The following NRDC variants were observed in gnomAD, a reference collection of about 807,000 sequenced individuals.
NRDC encodes nardilysin convertase.
A neutral mutation model predicts 147.1 loss-of-function variants in NRDC; 54 were observed. That is an observed-to-expected ratio of 0.37 (90% confidence interval 0.29 to 0.46). The LOEUF is 0.46. NRDC is among the 20% of genes least tolerant of loss of function. The pLI is 1.00. For missense variants in NRDC, 1,082 were observed against 1,370.6 expected (o/e 0.79, Z 3.33); for synonymous variants, 440 against 482.1 (o/e 0.91, Z 1.14).
At chr1:51,836,359 T>A in intron 2 of NRDC, 147 bp from the exon 3 acceptor site, 2 of 1,613,056 alleles carry the variant, frequency 1.2e-6, no homozygotes, top group Non-Finnish European at 1.7e-6. Context: ...AGCAGCAAAG[T>A]GAAACTCACC....
chr1:51,823,931 GTATTAA>G (rs1461206334), intron 6 of NRDC, 145 bp from the exon 7 acceptor site: 16 of 494,726 alleles, frequency 3.2e-5, no homozygotes, highest in Middle Eastern at 1.0e-3. Context: ...GTGCAATAAT[GTATTAA>G]TATTAATAAG....
intron 1 of NRDC, among the ~76,000 whole-genome samples, chr1:51,859,382 T>C (rs754759098): frequency 1.3e-5 from 2 of 152,246 alleles, no homozygotes; most frequent in Non-Finnish European, 2.9e-5. Context: ...TGCTTGTTTT[T>C]GGTTTTGAGC....
intron 1 of NRDC, among the ~76,000 whole-genome samples, chr1:51,856,004 AAATT>A (rs1176119209): frequency 2.0e-5 from 3 of 152,086 alleles, no homozygotes; most frequent in Non-Finnish European, 4.4e-5. Context: ...TTCATCCAAC[AAATT>A]AACTAAACAA....
intron 7 of NRDC, among the ~76,000 whole-genome samples, chr1:51,822,254 A>G (rs1368379178): frequency 6.6e-6 from 1 of 152,174 alleles, no homozygotes. Flanking sequence ...GAACCCCATT[A>G]TATAAAACCT....
At position 51,789,287 on chromosome 1, in the gene NRDC, C is replaced by T; in HGVS notation, c.3405G>A (p.Arg1135=). 1 of 1,613,992 alleles carries T rather than the reference C, an allele frequency of 6.2e-7. No homozygotes were observed. Among genetic ancestry groups the T allele is most frequent in the Non-Finnish European group, 8.5e-7 (1 of 1,179,974 alleles). The part of the protein sequence containing the change: ...ADCIIPITDI[R]AFTTTLNLLP... The stretch of plus-strand genomic sequence containing the variant: ...GAAGGTTGAGTGTTGTTGTGAAAGC[C>T]CTGATATCAGTAATGGGGATGATAC... The change falls in exon 31 of 31, where the codon AGG becomes AGA. Residue 1135 remains arginine, a synonymous_variant. Coordinates refer to ENST00000352171, the MANE Select transcript of NRDC (RefSeq NM_001101662.2).
chr1:51,870,213 C>T (rs1043308422), intron 1 of NRDC, among the ~76,000 whole-genome samples: 6 of 152,192 alleles, frequency 3.9e-5, no homozygotes, highest in Non-Finnish European at 7.3e-5. Context: ...GATCTCCGTA[C>T]TCACGGGCAT....
At chr1:51,854,267 C>A (rs1460709099) in intron 1 of NRDC, among the ~76,000 whole-genome samples, 5 of 152,126 alleles carry the variant, frequency 3.3e-5, no homozygotes, top group African/African-American at 4.8e-5. Flanking sequence ...ACTCAGGAGG[C>A]TGAGGCAGAA....
At chr1:51,831,815 G>A (rs2149216293) in intron 4 of NRDC, among the ~76,000 whole-genome samples, 1 of 151,924 alleles carries the variant, frequency 6.6e-6, no homozygotes, top group South Asian at 2.1e-4. Flanking sequence ...CTGGGCTCAA[G>A]TGATCCACAC....
intron 1 of NRDC, among the ~76,000 whole-genome samples, chr1:51,870,698 A>G (rs1372579568): frequency 6.6e-6 from 1 of 152,114 alleles, no homozygotes; most frequent in East Asian, 1.9e-4. Flanking sequence ...CTCTAAAATG[A>G]GCCTCTCTGG....
intron 1 of NRDC, among the ~76,000 whole-genome samples, chr1:51,850,302 T>C (rs944083387): frequency 6.6e-6 from 1 of 152,082 alleles, no homozygotes; most frequent in African/African-American, 2.4e-5. Context: ...AACAGAGCAG[T>C]GTATATAATA....
chr1:51,807,093 T>C (rs573512303), intron 17 of NRDC, among the ~76,000 whole-genome samples, 180 bp from the exon 18 acceptor site: 1 of 152,206 alleles, frequency 6.6e-6, no homozygotes, highest in Non-Finnish European at 1.5e-5. Flanking sequence ...GGTCTTAAAG[T>C]AAATAAATTC....
intron 1 of NRDC, among the ~76,000 whole-genome samples, chr1:51,845,589 T>C (rs1398189343): frequency 6.6e-6 from 1 of 150,768 alleles, no homozygotes; most frequent in East Asian, 1.9e-4. Flanking sequence ...CGAGACTCCG[T>C]CACAAAAAAA....
rs776712284 is a variant in NRDC, at chr1:51,823,628, T to C, written c.1159+36A>G. ...CAAACAAATCCTAAGAAAGCGCTAC[T>C]TCAAGGTAACTCTAAGAGCCATAAT... On this transcript the variant is annotated intron_variant, in intron 7 of 30. Transcript: ENST00000352171. 18 of 1,563,872 alleles carry C rather than the reference T, an allele frequency of 1.2e-5. No homozygotes were observed. In the East Asian group the frequency reaches 3.9e-4, roughly 33 times the overall value.
chr1:51,811,305 T>C (rs535340739), intron 15 of NRDC, among the ~76,000 whole-genome samples: 11 of 152,320 alleles, frequency 7.2e-5, no homozygotes, highest in African/African-American at 2.6e-4. Flanking sequence ...CAAATAACTA[T>C]GGTAGGATCC....
At chr1:51,859,332 G>C (rs1378162385) in intron 1 of NRDC, among the ~76,000 whole-genome samples, 1 of 152,170 alleles carries the variant, frequency 6.6e-6, no homozygotes, top group Non-Finnish European at 1.5e-5. Flanking sequence ...AAATAGAAAT[G>C]GCTTCAAAAT....
chr1:51,828,718 C>CT (rs34609463), intron 4 of NRDC, among the ~76,000 whole-genome samples: 100,186 of 136,418 alleles, frequency 0.73, 37,362 homozygotes, highest in East Asian at 0.92. Context: ...GTTTAGTAAA[C>CT]TTTTTTTTTT....
intron 28 of NRDC, 24 bp downstream of exon 28, chr1:51,790,876 A>G (rs1215703831): frequency 6.3e-7 from 1 of 1,596,580 alleles, no homozygotes; most frequent in Non-Finnish European, 8.6e-7. Context: ...GCCAAAGGCC[A>G]AAAGACCAGG....
intron 17 of NRDC, 79 bp from the exon 18 acceptor site, chr1:51,806,992 T>A (rs1291280209): frequency 1.5e-5 from 23 of 1,517,522 alleles, no homozygotes; most frequent in Non-Finnish European, 1.9e-5. Context: ...TTCAGAAGTC[T>A]AAGTAACTTT....
chr1:51,857,834 TTC>T (rs1453709913), intron 1 of NRDC, among the ~76,000 whole-genome samples: 7 of 152,324 alleles, frequency 4.6e-5, no homozygotes, highest in African/African-American at 7.2e-5. Flanking sequence ...GTGTTCTACA[TTC>T]TTTTTCTTGT....
Sources: allele counts gnomAD v4.1 joint callset (sites outside exome capture counted in the v4.1 genomes callset), GRCh38; gene constraint gnomAD v4.1.1; transcripts MANE v1.5; gene names NCBI Gene and HGNC (gene_info 2026-07-23, HGNC 2026-07-21).